Variants in PRR5 observed in about 807,000 individuals in gnomAD.
The protein encoded by PRR5 is proline-rich protein 5.
A neutral mutation model predicts 30.6 loss-of-function variants in PRR5; 25 were observed. That is an observed-to-expected ratio of 0.82 (90% CI 0.60 to 1.14). The LOEUF (loss-of-function observed/expected upper bound fraction) is 1.14. Ranked by LOEUF, PRR5 falls within the 50% of genes most tolerant of loss-of-function variation. The pLI is 0.00. For synonymous variants in PRR5, 286 were observed against 247.1 expected (o/e 1.16, Z -1.48); for missense variants, 600 against 547.1 (o/e 1.10, Z -0.96).
upstream of PRR5, among the ~76,000 whole-genome samples, chr22:44,701,929 G>A (rs1156563246): frequency 2.7e-5 from 4 of 150,942 alleles, no homozygotes; most frequent in Non-Finnish European, 5.9e-5. Context: ...CTGGGCGGGG[G>A]GCGGGCGCTT....
intron 4 of PRR5, among the ~76,000 whole-genome samples, chr22:44,726,881 C>G (rs540092344): frequency 1.3e-5 from 2 of 152,304 alleles, no homozygotes; most frequent in South Asian, 4.1e-4. Flanking sequence ...GGGGAAAAGC[C>G]CCCTGCTTCC....
chr22:44,709,980 C>A (rs923973662), intron 1 of PRR5, among the ~76,000 whole-genome samples: 3 of 152,190 alleles, frequency 2.0e-5, no homozygotes, highest in African/African-American at 7.2e-5. Flanking sequence ...CTGAGCTGCT[C>A]TTTTCTCACG....
At chr22:44,683,933 T>G (rs552436554) in intron 1 of PRR5, among the ~76,000 whole-genome samples, 1 of 152,356 alleles carries the variant, frequency 6.6e-6, no homozygotes, top group East Asian at 1.9e-4. Context: ...CAATCCTTTG[T>G]CAGAAGCCCT....
chr22:44,729,975 G>A (rs780559280), intron 4 of PRR5: 76 of 985,428 alleles, frequency 7.7e-5, no homozygotes, highest in African/African-American at 8.7e-5. Flanking sequence ...CCATCCGTCC[G>A]GGGCATTCCT....
intron 2 of PRR5, 147 bp from the exon 3 acceptor site, chr22:44,725,097 A>G: frequency 1.7e-6 from 2 of 1,147,754 alleles, no homozygotes; most frequent in Non-Finnish European, 2.4e-6. Flanking sequence ...AGGTCTGGAC[A>G]GGTGGGACCT....
rs61604082 is a variant in PRR5 at position 44,693,795 on chromosome 22, A to ATTTTTTTTTT, written c.-10-8686_-10-8677dup. Among the ~76,000 whole-genome samples the ATTTTTTTTTT allele has an allele frequency of 3.5e-3, 276 of 79,596 alleles. 12 individuals carry two copies. Among genetic ancestry groups the ATTTTTTTTTT allele is most frequent in the African/African-American group, 0.012 (229 of 18,488 alleles). The allele number at this position is 79,596 out of a possible 152,430, so 52.2% of individuals were successfully genotyped here. On this transcript the variant is annotated intron_variant, in intron 1 of 8. Transcript: ENST00000006251. ...CAGGCGCCTGCCACCACACTCGGCT[A>ATTTTTTTTTT]TTTTTTTTTTTTTTTTTTTTGTATT...
At chr22:44,732,625 A>G (rs1172689861) in intron 6 of PRR5, among the ~76,000 whole-genome samples, 2 of 152,204 alleles carry the variant, frequency 1.3e-5, no homozygotes, top group East Asian at 1.9e-4. Context: ...GGGCCTTTAC[A>G]CCCTGTGTCG....
rs200348444 is a variant in PRR5 at position 44,729,672 on chromosome 22, C to CA, written c.323-2057dup. On this transcript the variant is annotated intron_variant, in intron 4 of 7. Coordinates refer to ENST00000336985, the MANE Select transcript of PRR5 (RefSeq NM_181333.4). ...CCCTACTGCCCCACAGAGGGGCCCC[C>CA]ACAGGACAGGCCCCGGCAGAGAGCC... 1.8e-3 allele frequency: 1,732 copies of CA among 985,486 alleles called. 37 individuals are homozygous for CA. In the African/African-American group the frequency reaches 0.027, roughly 16 times the overall value. 61.0% of individuals were successfully genotyped at this position (985,486 alleles called of 1,614,324 possible).
intron 6 of PRR5, among the ~76,000 whole-genome samples, chr22:44,732,756 A>G (rs1276282679): frequency 6.6e-6 from 1 of 150,724 alleles, no homozygotes; most frequent in African/African-American, 2.5e-5. Flanking sequence ...GTGTGCACGC[A>G]CACGCTACAC....
chr22:44,688,229 C>G (rs970011107), intron 1 of PRR5, among the ~76,000 whole-genome samples: 1 of 151,398 alleles, frequency 6.6e-6, no homozygotes, highest in African/African-American at 2.4e-5. Context: ...ACTAAAAATA[C>G]AAAAATTAGC....
At chr22:44,715,859 G>A (rs970899422) in intron 2 of PRR5, among the ~76,000 whole-genome samples, 2 of 152,086 alleles carry the variant, frequency 1.3e-5, no homozygotes, top group Non-Finnish European at 2.9e-5. Flanking sequence ...CACTACCCAG[G>A]CTGGTCTCGA....
chr22:44,702,518 T>C lies in PRR5; in HGVS notation c.44T>C (p.Leu15Pro). ...RRLKFMSSPS[L>P]SDLGKREPAA... ...TTGAAGTTCATGAGTTCGCCCAGCC[T>C]CAGTGACCTGGGCAAGAGAGAGCCG... The change falls in exon 1 of 8, where the codon CTC becomes CCC. Residue 15 changes from leucine to proline, a missense_variant. Leu to Pro is a moderately conservative substitution (Grantham distance 98). Transcript: ENST00000336985. The C allele has an allele frequency of 6.8e-7, 1 of 1,470,698 alleles. No individual in the cohort carries two copies. 91.1% of individuals were successfully genotyped at this position (1,470,698 alleles called of 1,614,324 possible). A position where few individuals can be genotyped will look rare whatever the true frequency, so the allele number is the denominator to read the frequency against.
At chr22:44,692,874 G>C (rs1421880645) in intron 1 of PRR5, among the ~76,000 whole-genome samples, 1 of 152,138 alleles carries the variant, frequency 6.6e-6, no homozygotes, top group African/African-American at 2.4e-5. Flanking sequence ...TCTCAGCACG[G>C]GGCCAGGCAC....
chr22:44,720,839 T>C (rs990569489), intron 2 of PRR5, among the ~76,000 whole-genome samples: 4 of 152,026 alleles, frequency 2.6e-5, no homozygotes, highest in African/African-American at 9.7e-5. Flanking sequence ...TTGTGAGCTG[T>C]TGGGTGAGAG....
At chr22:44,697,424 C>T (rs372469176), upstream of PRR5, among the ~76,000 whole-genome samples, 1 of 152,198 alleles carries the variant, frequency 6.6e-6, no homozygotes, top group Admixed American at 6.5e-5. Context: ...ATGGGACGGC[C>T]CGGATGGCAG....
chr22:44,689,381 C>T (rs981453497), intron 1 of PRR5, among the ~76,000 whole-genome samples: 5 of 152,154 alleles, frequency 3.3e-5, no homozygotes, highest in African/African-American at 1.2e-4. Flanking sequence ...CCCCCAGGGC[C>T]AGATGTGGCT....
intron 4 of PRR5, chr22:44,730,161 G>A (rs1381328012): frequency 9.1e-6 from 9 of 985,242 alleles, no homozygotes; most frequent in South Asian, 4.7e-5. Flanking sequence ...GGGGGCTTCC[G>A]GGAGTGGGGG....
In PRR5 at chr22:44,712,917, G is replaced by T. The variant is rs558048855; in HGVS notation, c.135-1674G>T. 2.6e-5 allele frequency among the ~76,000 whole-genome samples: 4 copies of T among 152,356 alleles called. No homozygotes were observed. In the South Asian group the frequency reaches 8.3e-4, roughly 32 times the overall value. Reference sequence around the variant, plus strand: ...CTAGTGGAGAGTCTGCACTGGGAAGGGAGGGGTTGGGGGTCAGAGGGCTTC... The same window carrying T: ...CTAGTGGAGAGTCTGCACTGGGAAGTGAGGGGTTGGGGGTCAGAGGGCTTC... On this transcript the variant is annotated intron_variant, in intron 1 of 7. Transcript: ENST00000336985.
chr22:44,698,442 G>A (rs1370357275), upstream of PRR5, among the ~76,000 whole-genome samples: 1 of 151,782 alleles, frequency 6.6e-6, no homozygotes. Context: ...TTGGGGATGT[G>A]TGACTGAGTC....
Sources: gnomAD v4.1 joint callset for allele counts (sites outside exome capture counted in the v4.1 genomes callset) on GRCh38, gnomAD v4.1.1 for gene constraint, MANE v1.5 for transcripts, NCBI Gene and HGNC (gene_info 2026-07-23, HGNC 2026-07-21) for gene names.